The following NWD1 variants were observed in gnomAD, a reference collection of about 807,000 sequenced individuals.
The protein encoded by NWD1 is NACHT domain- and WD repeat-containing protein 1.
NWD1 carries 129 observed loss-of-function variants against 135.1 expected under a neutral mutation model. That is an observed-to-expected ratio of 0.96 (90% CI 0.83 to 1.11). The LOEUF (loss-of-function observed/expected upper bound fraction) is 1.11, where lower values mean the gene tolerates loss of function less well. NWD1 is among the 50% of genes least tolerant of loss of function. The pLI is 0.00. For missense variants in NWD1, 1,740 were observed against 1,851.3 expected (o/e 0.94, Z 1.10); for synonymous variants, 773 against 786.0 (o/e 0.98, Z 0.28).
At chr19:16,763,217 C>T (rs1025873204) in intron 8 of NWD1, among the ~76,000 whole-genome samples, 4 of 152,062 alleles carry the variant, frequency 2.6e-5, no homozygotes, top group African/African-American at 9.7e-5. Context: ...CTTTCATTCA[C>T]CTAGCCTCTC....
Position 16,777,027 on chromosome 19 carries a change from G to A in NWD1, c.2609-2316G>A, listed in dbSNP as rs549702020. On this transcript the variant is annotated intron_variant, in intron 11 of 18. Coordinates refer to ENST00000524140, the MANE Select transcript of NWD1 (RefSeq NM_001007525.5). ...GAGAGGGAAGAGGGAAGGAACTGGA[G>A]GGAAGGGAAAGGGAACTGGAGGGAA... 1.2e-4 allele frequency among the ~76,000 whole-genome samples: 12 copies of A among 98,104 alleles called. No homozygotes were observed. The South Asian group carries it at 2.9e-3, about 24-fold the overall frequency. The allele number at this position is 98,104 out of a possible 152,430, so 64.4% of individuals were successfully genotyped here.
intron 3 of NWD1, among the ~76,000 whole-genome samples, chr19:16,735,500 T>A (rs1366730982): frequency 6.7e-6 from 1 of 148,794 alleles, no homozygotes; most frequent in Non-Finnish European, 1.5e-5. Context: ...AGCAAGACTC[T>A]GTCCCCCTGA....
In NWD1 at chr19:16,808,065, G is replaced by A. The variant is rs200282926; in HGVS notation, c.4216G>A (p.Gly1406Arg). Residue 1406 changes from glycine (G) to arginine (R), a missense_variant, in exon 18 of 19, where the codon GGG (glycine) becomes AGG (arginine). Transcript: ENST00000524140. ...CCACAAGGAGCAGCTGGTGGTCAGC[G>A]GGTCTGAGGATGCCCTGCTGTGTCT... Reference protein sequence around the residue: ...VSHKEQLVVSGSEDALLCLWD... With the variant: ...VSHKEQLVVSRSEDALLCLWD... 34 of 1,614,026 alleles carry A rather than the reference G, an allele frequency of 2.1e-5. No individual in the cohort carries two copies. Among genetic ancestry groups the A allele is most frequent in the African/African-American group, 2.7e-5 (2 of 74,918 alleles).
At chr19:16,760,832 T>A (rs1490986131) in intron 7 of NWD1, among the ~76,000 whole-genome samples, 1 of 151,786 alleles carries the variant, frequency 6.6e-6, no homozygotes, top group African/African-American at 2.4e-5. Flanking sequence ...TCAGGTGATC[T>A]GCCCGCCTTG....
chr19:16,780,865 C>T (rs1969830220), intron 12 of NWD1, among the ~76,000 whole-genome samples: 2 of 152,010 alleles, frequency 1.3e-5, no homozygotes, highest in South Asian at 2.1e-4. Context: ...CACTATGTTG[C>T]TGAGGCTGGT....
chr19:16,739,691 C>G (rs915525514), intron 4 of NWD1, among the ~76,000 whole-genome samples: 2 of 152,084 alleles, frequency 1.3e-5, no homozygotes, highest in South Asian at 4.1e-4. Context: ...GCTGGAGGCC[C>G]TTGGAGAGGT....
chr19:16,767,939 C>T (rs1201903765), intron 10 of NWD1, among the ~76,000 whole-genome samples: 1 of 151,030 alleles, frequency 6.6e-6, no homozygotes, highest in African/African-American at 2.4e-5. Flanking sequence ...GCAGAATGTC[C>T]TCAAGTTTCA....
Position 16,789,102 on chromosome 19 carries a change from G to C in NWD1, c.2852G>C (p.Gly951Ala). The change falls in exon 13 of 19, where the codon GGA (glycine) becomes GCA (alanine). Residue 951 changes from glycine (G) to alanine (A), a missense_variant. Physicochemically the swap from Gly to Ala is moderately conservative, Grantham distance 60. Coordinates refer to ENST00000524140, the MANE Select transcript of NWD1 (RefSeq NM_001007525.5). ...SGQEKFTIWD[G>A]GSKNPAEPQI... ...CAGGAGAAATTTACCATTTGGGATG[G>C]AGGCTCAAAAAATCCCGCTGAACCT... The C allele has an allele frequency of 6.2e-7, 1 of 1,613,908 alleles. No individual in the cohort carries two copies. The highest frequency in any genetic ancestry group is 8.5e-7 in the Non-Finnish European group (1 of 1,179,890).
At chr19:16,807,385 C>T (rs531473864) in intron 17 of NWD1, among the ~76,000 whole-genome samples, 10 of 152,036 alleles carry the variant, frequency 6.6e-5, no homozygotes, top group South Asian at 4.2e-4. Context: ...CCCAGCTACT[C>T]GGGAGGCTGC....
intron 12 of NWD1, among the ~76,000 whole-genome samples, chr19:16,781,127 T>C (rs1024954489): frequency 6.6e-6 from 1 of 152,188 alleles, no homozygotes; most frequent in African/African-American, 2.4e-5. Flanking sequence ...CTGTAATCAA[T>C]TGTTGAGTGC....
Position 16,817,593 on chromosome 19 carries a change from G to A in NWD1, c.*2554G>A, listed in dbSNP as rs552980851. ...CTCCAGCATGAGTGACAGAGACTCT[G>A]TCTCCAAAAAAAAAAAAAAAAAAAA... On this transcript the variant is annotated 3_prime_UTR_variant, in exon 19 of 19. Transcript: ENST00000524140. The A allele has an allele frequency of 1.5e-5, 2 of 131,420 alleles. No individual in the cohort carries two copies. The highest frequency in any genetic ancestry group is 2.4e-4 in the South Asian group (1 of 4,220). 8.1% of individuals were successfully genotyped at this position (131,420 alleles called of 1,614,324 possible).
intron 2 of NWD1, among the ~76,000 whole-genome samples, chr19:16,730,549 AC>A (rs1319961355): frequency 6.6e-6 from 1 of 151,648 alleles, no homozygotes; most frequent in African/African-American, 2.4e-5. Flanking sequence ...CTCCTTCTCT[AC>A]AAAAAATTTA....
At chr19:16,797,933 C>T (rs528279974) in intron 16 of NWD1, 47 bp downstream of exon 16, 20 of 1,548,396 alleles carry the variant, frequency 1.3e-5, no homozygotes, top group Non-Finnish European at 1.8e-5. Flanking sequence ...ACCTCGGGAA[C>T]AGACACTGAT....
intron 17 of NWD1, among the ~76,000 whole-genome samples, chr19:16,805,573 C>A (rs1277227952): frequency 4.6e-5 from 7 of 152,094 alleles, no homozygotes; most frequent in Non-Finnish European, 1.0e-4. Flanking sequence ...CTCAAGCCAT[C>A]CTCTCACTTC....
In NWD1 at chr19:16,749,675, A is replaced by G; in HGVS notation, c.1033A>G (p.Ile345Val). 1 of 1,599,682 alleles carries G rather than the reference A, an allele frequency of 6.3e-7. No individual in the cohort carries two copies. Among genetic ancestry groups the G allele is most frequent in the South Asian group, 1.1e-5 (1 of 89,548 alleles). Residue 345 changes from isoleucine to valine, a missense_variant, in exon 6 of 19, where the codon ATT (isoleucine) becomes GTT (valine). Transcript: ENST00000524140. Reference sequence around the variant, plus strand: ...CCTGGTACTCTTTGGGCCCCCAGGCATTGGAAAGACAGCCCTGATGTGCAA... The same window carrying G: ...CCTGGTACTCTTTGGGCCCCCAGGCGTTGGAAAGACAGCCCTGATGTGCAA... ...TPLVLFGPPG[I>V]GKTALMCKLA...
intron 13 of NWD1, 150 bp downstream of exon 13, chr19:16,789,340 A>C: frequency 1.6e-6 from 1 of 633,710 alleles, no homozygotes. Flanking sequence ...GTGCTATAAG[A>C]GGTTTCAGAC....
intron 9 of NWD1, among the ~76,000 whole-genome samples, chr19:16,764,564 A>C (rs1969149278): frequency 6.7e-6 from 1 of 150,140 alleles, no homozygotes; most frequent in Non-Finnish European, 1.5e-5. Flanking sequence ...TTATATGTCC[A>C]TTATCTATTC....
intron 6 of NWD1, among the ~76,000 whole-genome samples, chr19:16,752,296 C>A (rs947561550): frequency 2.0e-5 from 3 of 151,990 alleles, no homozygotes; most frequent in Non-Finnish European, 4.4e-5. Context: ...GGTGGTCAAC[C>A]CAACGAGGAG....
intron 1 of NWD1, among the ~76,000 whole-genome samples, chr19:16,722,014 G>A (rs559856464): frequency 1.3e-5 from 2 of 152,090 alleles, no homozygotes; most frequent in Admixed American, 6.5e-5. Context: ...TTGAGACGCC[G>A]AGGCAGGAGG....
Sources: gnomAD v4.1 joint callset for allele counts (sites outside exome capture counted in the v4.1 genomes callset) on GRCh38, gnomAD v4.1.1 for gene constraint, MANE v1.5 for transcripts, NCBI Gene and HGNC (gene_info 2026-07-23, HGNC 2026-07-21) for gene names.